RNF13: variants seen among roughly 807,000 people sequenced by gnomAD.
RNF13 encodes ring finger protein 13.
A neutral mutation model predicts 37.7 loss-of-function variants in RNF13; 19 were observed. That is an observed-to-expected ratio of 0.50 (90% CI 0.35 to 0.74). The LOEUF (loss-of-function observed/expected upper bound fraction) is 0.74. Ranked by LOEUF, RNF13 falls within the 30% of genes least tolerant of loss-of-function variation. The pLI is 0.01. For synonymous variants in RNF13, 144 were observed against 157.8 expected (o/e 0.91, Z 0.65); for missense variants, 375 against 453.0 (o/e 0.83, Z 1.56).
intron 1 of RNF13, chr3:149,845,679 C>A: frequency 6.0e-6 from 1 of 167,348 alleles, no homozygotes; most frequent in South Asian, 1.9e-4. Flanking sequence ...TGTTTTTAAC[C>A]ATTATTTTGG....
At chr3:149,914,662 C>G (rs59998777) in intron 7 of RNF13, among the ~76,000 whole-genome samples, 1 of 152,124 alleles carries the variant, frequency 6.6e-6, no homozygotes, top group East Asian at 1.9e-4. Context: ...GGGCCGGGTG[C>G]GGTGGCTCAC....
At chr3:149,831,452 G>A (rs1459403727) in intron 1 of RNF13, among the ~76,000 whole-genome samples, 1 of 152,144 alleles carries the variant, frequency 6.6e-6, no homozygotes, top group South Asian at 2.1e-4. Flanking sequence ...AGATTTGATT[G>A]CTCTGCTGTA....
intron 5 of RNF13, among the ~76,000 whole-genome samples, chr3:149,896,513 C>G (rs571269806): frequency 1.3e-5 from 2 of 150,170 alleles, no homozygotes; most frequent in Admixed American, 6.6e-5. Flanking sequence ...GAGTTTCACT[C>G]TTGTTGCCCA....
intron 3 of RNF13, among the ~76,000 whole-genome samples, chr3:149,853,646 A>G (rs1559908031): frequency 6.6e-6 from 1 of 150,588 alleles, no homozygotes; most frequent in Non-Finnish European, 1.5e-5. Flanking sequence ...TTATCTTTTA[A>G]TTTTTTTTAA....
intron 7 of RNF13, among the ~76,000 whole-genome samples, chr3:149,915,989 G>A (rs1171311786): frequency 6.6e-6 from 1 of 151,732 alleles, no homozygotes; most frequent in Non-Finnish European, 1.5e-5. Context: ...GAGATAGTAA[G>A]GTTTATGTTG....
At chr3:149,862,491 T>A (rs536082703) in intron 3 of RNF13, among the ~76,000 whole-genome samples, 67 of 152,112 alleles carry the variant, frequency 4.4e-4, no homozygotes, top group Non-Finnish European at 6.6e-4. Context: ...ATATATATAT[T>A]TTTTCTACCA....
intron 1 of RNF13, among the ~76,000 whole-genome samples, chr3:149,843,294 G>A (rs554766460): frequency 3.2e-4 from 49 of 152,222 alleles, no homozygotes; most frequent in Middle Eastern, 3.4e-3. Flanking sequence ...TCTGGTATCC[G>A]CAGGGAGTCC....
intron 1 of RNF13, among the ~76,000 whole-genome samples, chr3:149,832,371 A>C (rs911664586): frequency 6.6e-6 from 1 of 152,242 alleles, no homozygotes; most frequent in Non-Finnish European, 1.5e-5. Flanking sequence ...TTTATTTGGA[A>C]GTGAATTTCC....
At chr3:149,928,970 G>A (rs1057358545) in intron 8 of RNF13, among the ~76,000 whole-genome samples, 1 of 151,996 alleles carries the variant, frequency 6.6e-6, no homozygotes, top group Non-Finnish European at 1.5e-5. Context: ...TTCTTTTATG[G>A]ATTGTTCATT....
intron 4 of RNF13, among the ~76,000 whole-genome samples, chr3:149,877,629 G>T (rs1712898129): frequency 6.6e-6 from 1 of 151,640 alleles, no homozygotes. Flanking sequence ...TACTATTTCA[G>T]TAGTAGTAAG....
At chr3:149,947,299 A>G (rs1720858969) in intron 8 of RNF13, among the ~76,000 whole-genome samples, 1 of 151,782 alleles carries the variant, frequency 6.6e-6, no homozygotes, top group Non-Finnish European at 1.5e-5. Flanking sequence ...TATTCAAGTC[A>G]TCTGTGTCTT....
chr3:149,834,535 T>A (rs1463923641), intron 1 of RNF13, among the ~76,000 whole-genome samples: 1 of 152,206 alleles, frequency 6.6e-6, no homozygotes, highest in Admixed American at 6.5e-5. Context: ...TGATCCCCAG[T>A]ATTGGAGGTA....
chr3:149,885,797 AT>A lies in RNF13; in HGVS notation c.322-9671del, dbSNP rs1713957634. Among the ~76,000 whole-genome samples the A allele has an allele frequency of 2.6e-5, 4 of 152,202 alleles. No individual in the cohort carries two copies. In the South Asian group the frequency reaches 6.2e-4, roughly 24 times the overall value. On this transcript the variant is annotated intron_variant, in intron 4 of 9. Transcript: ENST00000392894. Reference sequence around the variant, plus strand: ...GTGCTTATGGGGTATTACTCAAGAAATTTTTGCCCAGACAAATGTCCTGGAG... The same window carrying A: ...GTGCTTATGGGGTATTACTCAAGAAATTTTGCCCAGACAAATGTCCTGGAG...
chr3:149,962,099 G>C lies in RNF13; in HGVS notation c.*995G>C, dbSNP rs1244678509. The C allele has an allele frequency of 6.6e-6, 1 of 152,586 alleles. No homozygotes were observed. Among genetic ancestry groups the C allele is most frequent in the East Asian group, 1.9e-4 (1 of 5,202 alleles). 9.5% of individuals were successfully genotyped at this position (152,586 alleles called of 1,614,324 possible). ...ATATGGCCTTGTATGAGGGGAGTTTGAATGTTAATAAACATGTTTTCCACT... is the reference window on the plus strand; with the variant it reads ...ATATGGCCTTGTATGAGGGGAGTTTCAATGTTAATAAACATGTTTTCCACT... On this transcript the variant is annotated 3_prime_UTR_variant, in exon 10 of 10. Coordinates refer to ENST00000392894, the MANE Select transcript of RNF13 (RefSeq NM_183381.3).
At chr3:149,923,424 T>C (rs1204525146) in intron 8 of RNF13, among the ~76,000 whole-genome samples, 1 of 152,024 alleles carries the variant, frequency 6.6e-6, no homozygotes, top group Non-Finnish European at 1.5e-5. Context: ...CAGAACTAGT[T>C]TGAAGATTAG....
chr3:149,816,544 G>A (rs1270274359), intron 1 of RNF13, among the ~76,000 whole-genome samples: 3 of 150,402 alleles, frequency 2.0e-5, no homozygotes, highest in Non-Finnish European at 4.4e-5. Flanking sequence ...TTGAGGATGA[G>A]GTCATTTGAA....
intron 3 of RNF13, among the ~76,000 whole-genome samples, chr3:149,868,659 CTT>C (rs1248174336): frequency 6.7e-6 from 1 of 150,132 alleles, no homozygotes; most frequent in Non-Finnish European, 1.5e-5. Flanking sequence ...CTCTCTTTCT[CTT>C]GTTATTCCAC....
chr3:149,834,943 G>T (rs1414648445), intron 1 of RNF13, among the ~76,000 whole-genome samples: 1 of 152,180 alleles, frequency 6.6e-6, no homozygotes, highest in East Asian at 1.9e-4. Context: ...TCTACAAATG[G>T]TGTGTTGGGA....
intron 3 of RNF13, among the ~76,000 whole-genome samples, chr3:149,871,371 C>T (rs986292347): frequency 6.7e-6 from 1 of 150,200 alleles, no homozygotes; most frequent in African/African-American, 2.5e-5. Context: ...GTCAAACCAT[C>T]CTGCATTCCT....
Sources: gnomAD v4.1 joint callset for allele counts (sites outside exome capture counted in the v4.1 genomes callset) on GRCh38, gnomAD v4.1.1 for gene constraint, MANE v1.5 for transcripts, NCBI Gene and HGNC (gene_info 2026-07-23, HGNC 2026-07-21) for gene names.